The following HAO1 variants were observed in gnomAD, a reference collection of about 807,000 sequenced individuals.
HAO1 encodes hydroxyacid oxidase 1.
Under a neutral mutation model 39.7 loss-of-function variants are expected in HAO1, and 34 were observed. The ratio of observed to expected loss-of-function variants is 0.86; its 90% CI spans 0.65 to 1.14. The LOEUF is 1.14. Ranked by LOEUF, HAO1 falls within the 50% of genes most tolerant of loss-of-function variation. The probability of loss-of-function intolerance (pLI) is 0.00; values close to 1 mark genes in which losing one functional copy is unlikely to be tolerated. For synonymous variants in HAO1, 172 were observed against 173.2 expected, an observed-to-expected ratio of 0.99 and a Z score of 0.05; for missense variants, 479 against 464.5, an observed-to-expected ratio of 1.03 and a Z score of -0.29.
intron 5 of HAO1, among the ~76,000 whole-genome samples, chr20:7,894,135 C>T (rs779021936): frequency 1.2e-4 from 18 of 152,130 alleles, no homozygotes; most frequent in East Asian, 1.9e-4. Flanking sequence ...ACCCCACCAA[C>T]GGCCCCCGGC....
Position 7,885,861 on chromosome 20 carries a change from C to T in HAO1, c.817G>A (p.Asp273Asn), listed in dbSNP as rs978453628. ...GCCTCCACAATTTCTGGCAGAACATCAATCTGGGGAAAGAAAAGTTCAATA... is the reference window on the plus strand; with the variant it reads ...GCCTCCACAATTTCTGGCAGAACATTAATCTGGGGAAAGAAAAGTTCAATA... ...RQLDGVPATI[D>N]VLPEIVEAVE... is the part of the protein sequence containing the mutation. The change falls in exon 6 of 8, where the codon GAT becomes AAT. Residue 273 changes from aspartate to asparagine, a missense_variant. Transcript: ENST00000378789. 3.1e-6 allele frequency: 5 copies of T among 1,612,468 alleles called. No homozygotes were observed. The African/African-American group carries it at 5.3e-5, about 17-fold the overall frequency.
rs775510358 is a variant in HAO1 at position 7,914,150 on chromosome 20, A to G, written c.545+14T>C. 1.9e-5 allele frequency: 31 copies of G among 1,612,708 alleles called. No homozygotes were observed. The highest frequency in any genetic ancestry group is 2.6e-5 in the Non-Finnish European group (31 of 1,178,892). ...CCTTTCGCCTCAGCTCGGGGCCCAC[A>G]TGATCATGGTTACCTGAGTTGTGGC... On this transcript the variant is annotated intron_variant, in intron 3 of 7. Coordinates refer to ENST00000378789, the MANE Select transcript of HAO1 (RefSeq NM_017545.3).
chr20:7,934,669 T>G, intron 1 of HAO1, 34 bp from the exon 2 acceptor site: 1 of 1,401,476 alleles, frequency 7.1e-7, no homozygotes, highest in South Asian at 1.4e-5. Flanking sequence ...ATAAAAGGCT[T>G]TAGAGTTTCA....
intron 2 of HAO1, among the ~76,000 whole-genome samples, chr20:7,915,225 T>A (rs1283863613): frequency 6.6e-6 from 1 of 152,098 alleles, no homozygotes; most frequent in Non-Finnish European, 1.5e-5. Flanking sequence ...TATGAAGGTG[T>A]TTTTTAGATG....
At position 7,911,279 on chromosome 20, in the gene HAO1, T is replaced by C. The variant is rs141043031; in HGVS notation, c.545+2885A>G. On this transcript the variant is annotated intron_variant, in intron 3 of 7. Transcript: ENST00000378789. ...GTGTGATATATTCTGGCTGCTGCGA[T>C]CAATAAATCATTTCTGGGCTTAAGA... Among the ~76,000 whole-genome samples the C allele has an allele frequency of 1.1e-3, 165 of 152,316 alleles. 1 individual carries two copies. Among genetic ancestry groups the C allele is most frequent in the African/African-American group, 3.8e-3 (160 of 41,578 alleles).
chr20:7,903,903 C>T (rs2050235718), intron 4 of HAO1, among the ~76,000 whole-genome samples: 1 of 147,884 alleles, frequency 6.8e-6, no homozygotes, highest in African/African-American at 2.5e-5. Context: ...GTGGTGGTGG[C>T]AGTGGTCCTA....
At chr20:7,927,874 T>G (rs1216844926) in intron 2 of HAO1, among the ~76,000 whole-genome samples, 1 of 152,212 alleles carries the variant, frequency 6.6e-6, no homozygotes, top group African/African-American at 2.4e-5. Context: ...AAGTGATTAA[T>G]AATCTGAGCA....
intron 4 of HAO1, among the ~76,000 whole-genome samples, chr20:7,905,408 A>G (rs2050242596): frequency 6.6e-6 from 1 of 152,202 alleles, no homozygotes; most frequent in African/African-American, 2.4e-5. Context: ...ACATTAATGG[A>G]CAGACTCTCA....
At chr20:7,920,783 A>G (rs2050327609) in intron 2 of HAO1, among the ~76,000 whole-genome samples, 1 of 152,150 alleles carries the variant, frequency 6.6e-6, no homozygotes, top group African/African-American at 2.4e-5. Flanking sequence ...GTCAATGGAT[A>G]CTTAGGTTGA....
intron 4 of HAO1, among the ~76,000 whole-genome samples, chr20:7,895,936 T>C (rs913138423): frequency 6.6e-6 from 1 of 152,028 alleles, no homozygotes; most frequent in Non-Finnish European, 1.5e-5. Context: ...CTCAGGCCTA[T>C]TGGCAGGTGC....
At chr20:7,910,791 T>TA (rs1211694422) in intron 3 of HAO1, among the ~76,000 whole-genome samples, 1 of 152,180 alleles carries the variant, frequency 6.6e-6, no homozygotes, top group Non-Finnish European at 1.5e-5. Context: ...CTGCCATACT[T>TA]ATCAATGTGA....
intron 4 of HAO1, among the ~76,000 whole-genome samples, chr20:7,902,076 A>G (rs2122763542): frequency 6.6e-6 from 1 of 152,352 alleles, no homozygotes; most frequent in East Asian, 1.9e-4. Flanking sequence ...GTTTCTTGGG[A>G]TGGAATCAAC....
At chr20:7,902,939 T>G (rs977395219) in intron 4 of HAO1, among the ~76,000 whole-genome samples, 7 of 152,188 alleles carry the variant, frequency 4.6e-5, no homozygotes, top group African/African-American at 1.4e-4. Flanking sequence ...CAGTCAGATG[T>G]TTGGTCTAGA....
chr20:7,884,886 G>A (rs1568507465), intron 7 of HAO1, among the ~76,000 whole-genome samples: 1 of 152,190 alleles, frequency 6.6e-6, no homozygotes. Flanking sequence ...GACTGGGAGA[G>A]GGGAGATAGG....
chr20:7,930,245 CAA>C (rs368447837), intron 2 of HAO1, among the ~76,000 whole-genome samples: 1 of 143,580 alleles, frequency 7.0e-6, no homozygotes, highest in African/African-American at 2.5e-5. Context: ...AGGAGGGTAA[CAA>C]AAAAAAAAAT....
intron 2 of HAO1, among the ~76,000 whole-genome samples, chr20:7,916,621 C>A (rs1237258318): frequency 1.3e-5 from 2 of 152,206 alleles, no homozygotes; most frequent in African/African-American, 4.8e-5. Context: ...TGCTAGATCA[C>A]ACTTTGACAT....
At chr20:7,900,034 G>T (rs2050214562) in intron 4 of HAO1, among the ~76,000 whole-genome samples, 1 of 152,120 alleles carries the variant, frequency 6.6e-6, no homozygotes, top group Non-Finnish European at 1.5e-5. Context: ...TTGAGCTCAA[G>T]CCCTTGGAGC....
chr20:7,934,546 C>G lies in HAO1; in HGVS notation c.227G>C (p.Cys76Ser). 1 of 1,613,596 alleles carries G rather than the reference C, an allele frequency of 6.2e-7. No individual in the cohort carries two copies. Among genetic ancestry groups the G allele is most frequent in the South Asian group, 1.1e-5 (1 of 91,070 alleles). The change falls in exon 2 of 8, where the codon TGT (cysteine) becomes TCT (serine). Residue 76 changes from cysteine (C) to serine (S), a missense_variant. Transcript: ENST00000378789. Reference protein sequence around the residue: ...VLGQRVSMPICVGATAMQRMA... With the variant: ...VLGQRVSMPISVGATAMQRMA... ...GCGCTGCATGGCCGTAGCCCCCACA[C>G]ATATTGGCATGCTGACCCTCTGTCC...
intron 2 of HAO1, among the ~76,000 whole-genome samples, chr20:7,927,608 T>C (rs1373461857): frequency 6.6e-6 from 1 of 152,198 alleles, no homozygotes; most frequent in Non-Finnish European, 1.5e-5. Flanking sequence ...TAGAATTTTA[T>C]CTTTTGTTTG....
Sources: allele counts gnomAD v4.1 joint callset (sites outside exome capture counted in the v4.1 genomes callset), GRCh38; gene constraint gnomAD v4.1.1; transcripts MANE v1.5; gene names NCBI Gene and HGNC (gene_info 2026-07-23, HGNC 2026-07-21).